HSPA12A: variants seen among roughly 807,000 people sequenced by gnomAD.
HSPA12A encodes heat shock protein family A (Hsp70) member 12A.
HSPA12A carries 28 observed loss-of-function variants against 69.2 expected under a neutral mutation model. That is an observed-to-expected ratio of 0.40 (90% CI 0.30 to 0.55). HSPA12A has a LOEUF of 0.55. Ranked by LOEUF, HSPA12A falls within the 20% of genes least tolerant of loss-of-function variation. HSPA12A has a pLI of 0.38. For missense variants in HSPA12A, 686 were observed against 900.7 expected (o/e 0.76, Z 3.05); for synonymous variants, 345 against 370.5 (o/e 0.93, Z 0.79).
chr10:116,737,285 G>T (rs1374023249), intron 1 of HSPA12A, among the ~76,000 whole-genome samples: 1 of 152,214 alleles, frequency 6.6e-6, no homozygotes, highest in Non-Finnish European at 1.5e-5. Context: ...AGAGCCCTCT[G>T]TGTACCAGGC....
chr10:116,738,192 T>C (rs1851372226), intron 1 of HSPA12A, among the ~76,000 whole-genome samples: 1 of 152,176 alleles, frequency 6.6e-6, no homozygotes, highest in Non-Finnish European at 1.5e-5. Context: ...TCTTCTGAGA[T>C]TGTCCAAGCC....
At position 116,705,893 on chromosome 10, in the gene HSPA12A, CT is replaced by C. The variant is rs369606540; in HGVS notation, c.127-616del. 8.2e-3 allele frequency among the ~76,000 whole-genome samples: 943 copies of C among 115,606 alleles called. 3 individuals are homozygous for C. Among genetic ancestry groups the C allele is most frequent in the Non-Finnish European group, 0.011 (659 of 57,794 alleles). The allele number at this position is 115,606 out of a possible 152,430, so 75.8% of individuals were successfully genotyped here. A position where few individuals can be genotyped will look rare whatever the true frequency, so the allele number is the denominator to read the frequency against. On this transcript the variant is annotated intron_variant, in intron 2 of 11. Coordinates refer to ENST00000369209, the MANE Select transcript of HSPA12A (RefSeq NM_025015.3). ...AGGTTTCCAAGCCTTTCTCTCTCTCCTTTTTTTTTTTTTTTTTTTTGAGACG... is the reference window on the plus strand; with the variant it reads ...AGGTTTCCAAGCCTTTCTCTCTCTCCTTTTTTTTTTTTTTTTTTTGAGACG...
intron 2 of HSPA12A, among the ~76,000 whole-genome samples, chr10:116,787,868 T>C (rs1005948205): frequency 1.3e-5 from 2 of 152,124 alleles, no homozygotes; most frequent in Non-Finnish European, 2.9e-5. Context: ...CAAACTGGCT[T>C]CAGCGTGGGG....
At chr10:116,766,354 C>T (rs1188058571) in intron 2 of HSPA12A, among the ~76,000 whole-genome samples, 1 of 152,042 alleles carries the variant, frequency 6.6e-6, no homozygotes, top group African/African-American at 2.4e-5. Context: ...GACAGGTGGT[C>T]GCCCTACCTG....
chr10:116,735,912 G>A (rs896599317), intron 1 of HSPA12A, among the ~76,000 whole-genome samples: 3 of 151,724 alleles, frequency 2.0e-5, no homozygotes, highest in Non-Finnish European at 4.4e-5. Context: ...TGGGAGGATC[G>A]TTTCAGCCCA....
chr10:116,788,177 C>A (rs1326173828), intron 2 of HSPA12A, among the ~76,000 whole-genome samples: 1 of 152,204 alleles, frequency 6.6e-6, no homozygotes, highest in Non-Finnish European at 1.5e-5. Flanking sequence ...GCACATCCTG[C>A]AAAATTCTAG....
In HSPA12A at chr10:116,686,822, C is replaced by A. The variant is rs551492788; in HGVS notation, c.664-2860G>T. Reference sequence around the variant, plus strand: ...TCCCACACCATAAGCTCCACCCCCACCCCTTCCCAAACCATAAGCTCCACC... The same window carrying A: ...TCCCACACCATAAGCTCCACCCCCAACCCTTCCCAAACCATAAGCTCCACC... On this transcript the variant is annotated intron_variant, in intron 6 of 11. Transcript: ENST00000369209. This position sits in a 1 kb window ranked among gnomAD's most constrained non-coding sequence, Gnocchi z 4.1. Among the ~76,000 whole-genome samples the A allele has an allele frequency of 6.6e-6, 1 of 150,642 alleles. No individual in the cohort carries two copies. The highest frequency in any genetic ancestry group is 2.0e-4 in the East Asian group (1 of 5,084).
chr10:116,841,510 C>A (rs2449803), intron 1 of HSPA12A, among the ~76,000 whole-genome samples: 152,191 of 152,316 alleles, frequency 1, 76,033 homozygotes, highest in Non-Finnish European at 1. Context: ...AGCATTCAAC[C>A]CAATTCAATC....
upstream of HSPA12A, chr10:116,742,600 C>T: frequency 1.8e-6 from 2 of 1,097,490 alleles, no homozygotes; most frequent in South Asian, 4.4e-5. Context: ...TGCTCTGACG[C>T]GGCAGCCGCC....
chr10:116,715,262 G>A (rs1333199760), intron 1 of HSPA12A, among the ~76,000 whole-genome samples: 4 of 152,120 alleles, frequency 2.6e-5, no homozygotes, highest in East Asian at 3.9e-4. Flanking sequence ...TGACTGCCCC[G>A]GAGACCAACT....
chr10:116,759,168 A>G (rs1199980221), intron 2 of HSPA12A, among the ~76,000 whole-genome samples: 1 of 152,216 alleles, frequency 6.6e-6, no homozygotes, highest in Non-Finnish European at 1.5e-5. Flanking sequence ...CTTCTATCCA[A>G]GAAAGTTTCT....
Position 116,686,784 on chromosome 10 carries a change from C to A in HSPA12A, c.664-2822G>T, listed in dbSNP as rs1849587645. On this transcript the variant is annotated intron_variant, in intron 6 of 11. Coordinates refer to ENST00000369209, the MANE Select transcript of HSPA12A (RefSeq NM_025015.3). This position sits in a 1 kb window ranked among gnomAD's most constrained non-coding sequence, Gnocchi z 4.1. Reference sequence around the variant, plus strand: ...CCTCTTCCCACACCATAAGTTCCACCCCTCATCCCTCTTCCCACACCATAA... The same window carrying A: ...CCTCTTCCCACACCATAAGTTCCACACCTCATCCCTCTTCCCACACCATAA... 6.6e-6 allele frequency among the ~76,000 whole-genome samples: 1 copy of A among 151,544 alleles called. No individual in the cohort carries two copies. Among genetic ancestry groups the A allele is most frequent in the Admixed American group, 6.6e-5 (1 of 15,220 alleles).
chr10:116,795,610 C>T (rs1199080648), intron 2 of HSPA12A, among the ~76,000 whole-genome samples: 14 of 144,266 alleles, frequency 9.7e-5, no homozygotes, highest in Admixed American at 3.5e-4. Flanking sequence ...TGCTTGAACT[C>T]GGGAGGCAGA....
rs562108473 is a variant in HSPA12A at position 116,845,333 on chromosome 10, G to T, written c.3+4233C>A. 2.0e-5 allele frequency among the ~76,000 whole-genome samples: 3 copies of T among 152,206 alleles called. No homozygotes were observed. In the South Asian group the frequency reaches 6.2e-4, roughly 32 times the overall value. On this transcript the variant is annotated intron_variant, in intron 1 of 12. Transcript: ENST00000635765. ...GAGACTTCATATTCGAAAAGCTTAGGCAACTCTAGCCCAGTCCAAACATCT... is the reference window on the plus strand; with the variant it reads ...GAGACTTCATATTCGAAAAGCTTAGTCAACTCTAGCCCAGTCCAAACATCT...
Position 116,829,461 on chromosome 10 carries a change from G to A in HSPA12A, c.91+5474C>T, listed in dbSNP as rs549289603. On this transcript the variant is annotated intron_variant, in intron 2 of 12. Coordinates refer to the HSPA12A transcript ENST00000635765. ...CCATGGGCATAAGCGTTTCTCAAAGGATGGGCAGGATTTGGCAAGACCAAG... is the reference window on the plus strand; with the variant it reads ...CCATGGGCATAAGCGTTTCTCAAAGAATGGGCAGGATTTGGCAAGACCAAG... 4 of 152,618 alleles carry A rather than the reference G, an allele frequency of 2.6e-5. 1 individual carries two copies. Among genetic ancestry groups the A allele is most frequent in the African/African-American group, 7.2e-5 (3 of 41,548 alleles). The allele number at this position is 152,618 out of a possible 1,614,324, so 9.5% of individuals were successfully genotyped here. A position where few individuals can be genotyped will look rare whatever the true frequency, so the allele number is the denominator to read the frequency against.
intron 1 of HSPA12A, among the ~76,000 whole-genome samples, chr10:116,846,127 T>G (rs1845876120): frequency 6.6e-6 from 1 of 152,168 alleles, no homozygotes; most frequent in Non-Finnish European, 1.5e-5. Context: ...ATTTGTTGAT[T>G]GAGTGAATGA....
At chr10:116,812,585 C>T (rs982003445) in intron 2 of HSPA12A, among the ~76,000 whole-genome samples, 1 of 152,026 alleles carries the variant, frequency 6.6e-6, no homozygotes, top group East Asian at 1.9e-4. Flanking sequence ...CTGAGACCAG[C>T]AAGGAAAGCA....
At chr10:116,688,885 G>A (rs1483838069) in intron 6 of HSPA12A, among the ~76,000 whole-genome samples, 1 of 152,170 alleles carries the variant, frequency 6.6e-6, no homozygotes, top group Non-Finnish European at 1.5e-5. Flanking sequence ...ACAGTCTCCA[G>A]TTCTAAGTCT....
chr10:116,740,550 T>TG (rs1554886919), intron 1 of HSPA12A, among the ~76,000 whole-genome samples: 1 of 151,622 alleles, frequency 6.6e-6, no homozygotes, highest in Non-Finnish European at 1.5e-5. Flanking sequence ...AAACAAATAC[T>TG]CCAGAACAAA....
Sources: allele counts gnomAD v4.1 joint callset (sites outside exome capture counted in the v4.1 genomes callset), GRCh38; gene constraint gnomAD v4.1.1; non-coding constraint Gnocchi (gnomAD v3.1); transcripts MANE v1.5; gene names NCBI Gene and HGNC (gene_info 2026-07-23, HGNC 2026-07-21).